Variants in PLXDC2 observed in about 807,000 individuals in gnomAD.
PLXDC2 encodes the protein plexin domain containing 2.
PLXDC2 carries 40 observed loss-of-function variants against 68.9 expected under a neutral mutation model. The ratio of observed to expected loss-of-function variants is 0.58; its 90% CI spans 0.45 to 0.76. The LOEUF (loss-of-function observed/expected upper bound fraction) is 0.76. Among genes scored for constraint, PLXDC2 ranks in the 30% least tolerant of loss-of-function variants. The pLI is 0.00. For synonymous variants in PLXDC2, 243 were observed against 234.2 expected, an observed-to-expected ratio of 1.04 and a Z score of -0.34; for missense variants, 644 against 661.9, an observed-to-expected ratio of 0.97 and a Z score of 0.30.
intron 3 of PLXDC2, among the ~76,000 whole-genome samples, chr10:20,057,837 G>A (rs1435743229): frequency 6.6e-6 from 1 of 151,940 alleles, no homozygotes; most frequent in Non-Finnish European, 1.5e-5. Flanking sequence ...CTCGGACGCT[G>A]TGTTGAGAAG....
At chr10:20,277,345 TC>T (rs1353946209) in intron 13 of PLXDC2, among the ~76,000 whole-genome samples, 1 of 152,010 alleles carries the variant, frequency 6.6e-6, no homozygotes, top group African/African-American at 2.4e-5. Context: ...ATATAGGAAT[TC>T]TAAAAGTTAG....
At chr10:20,168,101 G>T (rs760004982) in intron 7 of PLXDC2, among the ~76,000 whole-genome samples, 13 of 151,964 alleles carry the variant, frequency 8.6e-5, no homozygotes, top group Non-Finnish European at 1.8e-4. Flanking sequence ...ATCCTTCTGA[G>T]TTTACAAGAG....
At chr10:20,142,971 G>A (rs1834026198) in intron 4 of PLXDC2, among the ~76,000 whole-genome samples, 1 of 151,964 alleles carries the variant, frequency 6.6e-6, no homozygotes, top group Non-Finnish European at 1.5e-5. Context: ...ATAGCAAATT[G>A]AATATTTGAA....
chr10:20,055,058 C>A (rs1205084203), intron 3 of PLXDC2, among the ~76,000 whole-genome samples: 1 of 152,040 alleles, frequency 6.6e-6, no homozygotes, highest in Non-Finnish European at 1.5e-5. Flanking sequence ...ATATGAAACA[C>A]CAGCAAAATG....
chr10:19,869,842 C>A (rs1016279466), intron 1 of PLXDC2, among the ~76,000 whole-genome samples: 1 of 151,802 alleles, frequency 6.6e-6, no homozygotes, highest in Admixed American at 6.6e-5. Flanking sequence ...GCTCGCCTTA[C>A]GTTATTGGTT....
chr10:20,219,903 A>G (rs1835187782), intron 12 of PLXDC2, among the ~76,000 whole-genome samples: 1 of 152,176 alleles, frequency 6.6e-6, no homozygotes, highest in Admixed American at 6.5e-5. Flanking sequence ...GAGTAAGTCA[A>G]AATCCAATAT....
At position 19,894,416 on chromosome 10, in the gene PLXDC2, A is replaced by T. The variant is rs35113430; in HGVS notation, c.112+77225A>T. On this transcript the variant is annotated intron_variant, in intron 1 of 13. Coordinates refer to ENST00000377252, the MANE Select transcript of PLXDC2 (RefSeq NM_032812.9). ...TGAATTTTAACCACTTTCAATTTCA[A>T]TTGGAATTTATATATTCCTGAGGGG... 6.3e-3 allele frequency among the ~76,000 whole-genome samples: 951 copies of T among 152,046 alleles called. 18 individuals carry two copies. Among genetic ancestry groups the T allele is most frequent in the Non-Finnish European group, 4.5e-3 (307 of 67,936 alleles).
chr10:20,120,316 T>C (rs1424175780), intron 4 of PLXDC2, among the ~76,000 whole-genome samples: 3 of 152,186 alleles, frequency 2.0e-5, no homozygotes, highest in Non-Finnish European at 2.9e-5. Context: ...GGGAAAGTGA[T>C]AAAAGTATTG....
chr10:20,165,331 G>C (rs977667684), intron 7 of PLXDC2, among the ~76,000 whole-genome samples: 1 of 151,858 alleles, frequency 6.6e-6, no homozygotes, highest in Non-Finnish European at 1.5e-5. Context: ...CATTGTGCAG[G>C]TTATTTACAT....
intron 4 of PLXDC2, among the ~76,000 whole-genome samples, chr10:20,089,291 G>C (rs908593467): frequency 6.6e-6 from 1 of 151,844 alleles, no homozygotes; most frequent in Non-Finnish European, 1.5e-5. Flanking sequence ...TATGAGTCAT[G>C]AATGTATTTA....
At chr10:20,201,089 C>T (rs1834911136) in intron 9 of PLXDC2, among the ~76,000 whole-genome samples, 1 of 152,096 alleles carries the variant, frequency 6.6e-6, no homozygotes, top group South Asian at 2.1e-4. Context: ...ATGTTTACTG[C>T]AGCACTGTTC....
At chr10:19,873,704 C>T (rs12217171) in intron 1 of PLXDC2, among the ~76,000 whole-genome samples, 41,400 of 151,958 alleles carry the variant, frequency 0.27, 5,633 homozygotes, top group East Asian at 0.39. Context: ...TCTTATAAAA[C>T]GTTATATAAA....
chr10:19,910,504 A>G (rs1833247973), intron 1 of PLXDC2, among the ~76,000 whole-genome samples: 1 of 149,938 alleles, frequency 6.7e-6, no homozygotes, highest in African/African-American at 2.5e-5. Context: ...ATAATAAAGG[A>G]CTGGGTCCTT....
At chr10:20,126,534 T>G (rs374943145) in intron 4 of PLXDC2, among the ~76,000 whole-genome samples, 10 of 5,224 alleles carry the variant, frequency 1.9e-3, no homozygotes, top group East Asian at 5.1e-3. Flanking sequence ...TATGTATATA[T>G]AACACACACG....
chr10:20,112,120 G>A (rs1042711753), intron 4 of PLXDC2, among the ~76,000 whole-genome samples: 1 of 152,112 alleles, frequency 6.6e-6, no homozygotes, highest in Non-Finnish European at 1.5e-5. Flanking sequence ...TGCAAGTCAG[G>A]AAGAGAGCCC....
rs1836172795 is a variant in PLXDC2, at chr10:20,287,563, A to G, written c.*7744A>G. ...TTGTCACATTTATAGCAGGGAAATA[A>G]AAACTCAAATTAGGCATCCTGCAGC... On this transcript the variant is annotated 3_prime_UTR_variant, in exon 14 of 14. Transcript: ENST00000377252. 1 of 152,180 alleles carries G rather than the reference A, an allele frequency of 6.6e-6. No individual in the cohort carries two copies. Among genetic ancestry groups the G allele is most frequent in the South Asian group, 2.1e-4 (1 of 4,826 alleles). 9.4% of individuals were successfully genotyped at this position (152,180 alleles called of 1,614,324 possible).
At chr10:20,197,998 T>C (rs1834864459) in intron 9 of PLXDC2, among the ~76,000 whole-genome samples, 1 of 152,228 alleles carries the variant, frequency 6.6e-6, no homozygotes, top group African/African-American at 2.4e-5. Flanking sequence ...TTTGTATTCA[T>C]ATTTGTAATT....
chr10:20,274,121 G>A (rs1835974617), intron 13 of PLXDC2, among the ~76,000 whole-genome samples: 1 of 151,346 alleles, frequency 6.6e-6, no homozygotes, highest in Non-Finnish European at 1.5e-5. Context: ...AAGAAGGAAG[G>A]AAAGAAAACA....
intron 9 of PLXDC2, among the ~76,000 whole-genome samples, chr10:20,198,550 A>T (rs530856115): frequency 6.6e-6 from 1 of 152,224 alleles, no homozygotes; most frequent in African/African-American, 2.4e-5. Context: ...GTTATCTACA[A>T]TTTCCACCTT....
Sources: gnomAD v4.1 joint callset for allele counts (sites outside exome capture counted in the v4.1 genomes callset) on GRCh38, gnomAD v4.1.1 for gene constraint, MANE v1.5 for transcripts, NCBI Gene and HGNC (gene_info 2026-07-23, HGNC 2026-07-21) for gene names.